VPS13B: variants seen among roughly 807,000 people sequenced by gnomAD.
VPS13B encodes the protein intermembrane lipid transfer protein VPS13B.
In VPS13B, 285 loss-of-function variants were observed where a neutral mutation model predicts 426.4. The ratio of observed to expected loss-of-function variants is 0.67; its 90% CI spans 0.61 to 0.74. VPS13B has a LOEUF of 0.74. Ranked by LOEUF, VPS13B falls within the 30% of genes least tolerant of loss-of-function variation. The pLI is 0.00. For synonymous variants in VPS13B, 1,676 were observed against 1,676.4 expected, an observed-to-expected ratio of 1.00 and a Z score of 0.01; for missense variants, 4,537 against 4,782.6, an observed-to-expected ratio of 0.95 and a Z score of 1.51.
At chr8:99,728,817 G>A (rs1159040959) in intron 39 of VPS13B, among the ~76,000 whole-genome samples, 1 of 152,198 alleles carries the variant, frequency 6.6e-6, no homozygotes, top group Non-Finnish European at 1.5e-5. Context: ...GATACAGTGG[G>A]CAGTCCTGGA....
chr8:99,101,106 A>G (rs1375783466), intron 4 of VPS13B, among the ~76,000 whole-genome samples: 2 of 151,902 alleles, frequency 1.3e-5, no homozygotes, highest in African/African-American at 4.8e-5. Context: ...AATATTAGTC[A>G]TGCTCACTTG....
chr8:99,303,730 CAAAAAA>C (rs58708195), intron 19 of VPS13B, among the ~76,000 whole-genome samples: 5 of 63,714 alleles, frequency 7.8e-5, no homozygotes, highest in African/African-American at 1.4e-4. Flanking sequence ...GACTCCGTCT[CAAAAAA>C]AAAAAAAAAA....
At chr8:99,785,850 A>G (rs1472526612) in intron 43 of VPS13B, among the ~76,000 whole-genome samples, 1 of 152,164 alleles carries the variant, frequency 6.6e-6, no homozygotes, top group African/African-American at 2.4e-5. Context: ...TTGTCATTGC[A>G]TTCCCAGCAA....
chr8:99,044,853 TACAC>T (rs60056711), intron 3 of VPS13B, among the ~76,000 whole-genome samples: 7,921 of 139,756 alleles, frequency 0.057, 268 homozygotes, highest in East Asian at 0.097. Flanking sequence ...TTCCATTTTA[TACAC>T]ACACACACAC....
At chr8:99,634,070 A>G (rs974979097) in intron 33 of VPS13B, among the ~76,000 whole-genome samples, 3 of 151,940 alleles carry the variant, frequency 2.0e-5, no homozygotes, top group Admixed American at 6.6e-5. Flanking sequence ...TGAACTTAGA[A>G]GTCCCTGAAA....
At chr8:99,267,042 CAGA>C (rs1818345236) in intron 17 of VPS13B, among the ~76,000 whole-genome samples, 1 of 152,082 alleles carries the variant, frequency 6.6e-6, no homozygotes, top group Admixed American at 6.6e-5. Flanking sequence ...TTAGAGGACT[CAGA>C]AGAAGACAGG....
intron 30 of VPS13B, among the ~76,000 whole-genome samples, chr8:99,556,056 T>C (rs761699966): frequency 5.3e-5 from 8 of 152,160 alleles, no homozygotes; most frequent in Non-Finnish European, 1.2e-4. Context: ...GTGTTGTAGT[T>C]TTGTCCCATA....
chr8:99,352,457 G>T (rs1811942506), intron 19 of VPS13B, among the ~76,000 whole-genome samples: 1 of 151,946 alleles, frequency 6.6e-6, no homozygotes, highest in Non-Finnish European at 1.5e-5. Flanking sequence ...AGAAATGAGT[G>T]GTAATAAGAA....
At chr8:99,708,549 AC>A (rs1832580574) in intron 36 of VPS13B, among the ~76,000 whole-genome samples, 1 of 152,080 alleles carries the variant, frequency 6.6e-6, no homozygotes, top group African/African-American at 2.4e-5. Flanking sequence ...GCTTTTACTT[AC>A]CAGTAAGGAC....
intron 25 of VPS13B, among the ~76,000 whole-genome samples, chr8:99,484,567 G>A (rs187946184): frequency 1.3e-5 from 2 of 152,126 alleles, no homozygotes; most frequent in African/African-American, 4.8e-5. Flanking sequence ...TATGAAGATG[G>A]TTATTCACTA....
intron 6 of VPS13B, among the ~76,000 whole-genome samples, chr8:99,112,454 TG>T (rs976998540): frequency 4.6e-5 from 7 of 152,216 alleles, no homozygotes; most frequent in Non-Finnish European, 7.4e-5. Context: ...AAAATCTACA[TG>T]TTTTTTTCTT....
chr8:99,136,533 A>G, intron 11 of VPS13B, 132 bp from the exon 12 acceptor site: 1 of 866,264 alleles, frequency 1.2e-6, no homozygotes, highest in Non-Finnish European at 1.9e-6. Flanking sequence ...TCTTGGAATA[A>G]CCTCTGTTCT....
intron 21 of VPS13B, among the ~76,000 whole-genome samples, chr8:99,423,250 A>C (rs1816478264): frequency 6.6e-6 from 1 of 151,884 alleles, no homozygotes; most frequent in Non-Finnish European, 1.5e-5. Context: ...TTTTATAGAA[A>C]AAGTATGTGT....
At chr8:99,440,786 C>CACAT (rs764329861) in intron 22 of VPS13B, among the ~76,000 whole-genome samples, 2 of 151,898 alleles carry the variant, frequency 1.3e-5, no homozygotes, top group Non-Finnish European at 2.9e-5. Context: ...GATATGTATG[C>CACAT]ATGTGGTTGT....
At chr8:99,434,576 AC>A (rs1393981416) in intron 22 of VPS13B, among the ~76,000 whole-genome samples, 4 of 151,452 alleles carry the variant, frequency 2.6e-5, no homozygotes, top group Non-Finnish European at 4.4e-5. Context: ...AGAAATACAT[AC>A]CTGCCATAAA....
At chr8:99,443,673 T>C (rs1160502830) in intron 23 of VPS13B, among the ~76,000 whole-genome samples, 1 of 152,246 alleles carries the variant, frequency 6.6e-6, no homozygotes, top group Non-Finnish European at 1.5e-5. Context: ...GGCTGAATAG[T>C]ATTCCATCTT....
chr8:99,832,342 T>C (rs928796515), intron 51 of VPS13B, 27 bp from the exon 52 acceptor site: 6 of 329,168 alleles, frequency 1.8e-5, no homozygotes, highest in South Asian at 3.9e-5. Context: ...GCTCTCTGCA[T>C]TTTTTTTTTT....
At chr8:99,497,448 T>C (rs76284983) in intron 25 of VPS13B, among the ~76,000 whole-genome samples, 4,274 of 150,490 alleles carry the variant, frequency 0.028, 217 homozygotes, top group African/African-American at 0.098. Context: ...AAGTAAGAAT[T>C]GATATATTAA....
chr8:99,414,106 C>T (rs1055770550), intron 21 of VPS13B, among the ~76,000 whole-genome samples: 4 of 152,144 alleles, frequency 2.6e-5, no homozygotes, highest in African/African-American at 9.7e-5. Flanking sequence ...AATCTGGGTG[C>T]TCCTGTATTG....
Sources: allele counts gnomAD v4.1 joint callset (sites outside exome capture counted in the v4.1 genomes callset), GRCh38; gene constraint gnomAD v4.1.1; transcripts MANE v1.5; gene names NCBI Gene and HGNC (gene_info 2026-07-23, HGNC 2026-07-21).